ALMS1: variants seen among roughly 807,000 people sequenced by gnomAD.
ALMS1 encodes ALMS1 centrosome and basal body associated protein, also known as centrosome-associated protein ALMS1.
A neutral mutation model predicts 352.2 loss-of-function variants in ALMS1; 271 were observed. The ratio of observed to expected loss-of-function variants is 0.77; its 90% confidence interval spans 0.70 to 0.85. The LOEUF (loss-of-function observed/expected upper bound fraction) is 0.85. Ranked by LOEUF, ALMS1 falls within the 40% of genes least tolerant of loss-of-function variation. The probability of loss-of-function intolerance (pLI) is 0.00; values close to 1 mark genes in which losing one functional copy is unlikely to be tolerated. For synonymous variants in ALMS1, 1,865 were observed against 1,761.2 expected (o/e 1.06, Z -1.48); for missense variants, 5,445 against 4,870.7 (o/e 1.12, Z -3.51).
chr2:73,399,170 G>T (rs1047358667), intron 1 of ALMS1, among the ~76,000 whole-genome samples: 3 of 152,172 alleles, frequency 2.0e-5, no homozygotes, highest in Non-Finnish European at 4.4e-5. Flanking sequence ...TGTATAGACA[G>T]ACAGTCATGT....
chr2:73,478,632 TTTTA>T (rs1004601426), intron 9 of ALMS1, among the ~76,000 whole-genome samples: 1 of 149,704 alleles, frequency 6.7e-6, no homozygotes, highest in Non-Finnish European at 1.5e-5. Context: ...TGACGAATAT[TTTTA>T]TTTATTTAGT....
In ALMS1 at chr2:73,441,718, G is replaced by A. The variant is rs530860097; in HGVS notation, c.1433-6242G>A. Among the ~76,000 whole-genome samples, 4 of 152,212 alleles carry A rather than the reference G, an allele frequency of 2.6e-5. No individual in the cohort carries two copies. The East Asian group carries it at 7.7e-4, about 29-fold the overall frequency. ...TAAAAAGAAAACTAAGGAAGTCATT[G>A]CCATGTTGTTCTCCAGTCTGGAGGT... On this transcript the variant is annotated intron_variant, in intron 7 of 22. Transcript: ENST00000613296.
intron 2 of ALMS1, among the ~76,000 whole-genome samples, chr2:73,418,764 G>T (rs1022819080): frequency 6.6e-6 from 1 of 152,076 alleles, no homozygotes; most frequent in Non-Finnish European, 1.5e-5. Flanking sequence ...GCTTATCCCC[G>T]GAACACATGT....
chr2:73,535,237 T>C (rs1674002827), intron 12 of ALMS1, among the ~76,000 whole-genome samples: 1 of 152,222 alleles, frequency 6.6e-6, no homozygotes, highest in Non-Finnish European at 1.5e-5. Flanking sequence ...CCCTTAGTTG[T>C]TTCACTGATT....
chr2:73,492,808 A>G (rs986163110), intron 10 of ALMS1, among the ~76,000 whole-genome samples: 3 of 152,048 alleles, frequency 2.0e-5, no homozygotes, highest in African/African-American at 7.2e-5. Flanking sequence ...CAGTGATGTG[A>G]TCTTGGTTCA....
Position 73,392,013 on chromosome 2 carries a change from A to G in ALMS1, c.324+5821A>G, listed in dbSNP as rs1670656404. Among the ~76,000 whole-genome samples, 3 of 152,144 alleles carry G rather than the reference A, an allele frequency of 2.0e-5. No homozygotes were observed. In the South Asian group the frequency reaches 6.2e-4, roughly 32 times the overall value. ...TTCTAGTTAATTTTAATGGAGTGCT[A>G]CACAGTATTCTTTATTTTTTCATTT... is the stretch of plus-strand genomic sequence containing the variant. On this transcript the variant is annotated intron_variant, in intron 1 of 22. Coordinates refer to ENST00000613296, the MANE Select transcript of ALMS1 (RefSeq NM_001378454.1).
chr2:73,600,909 T>C, intron 18 of ALMS1, 28 bp downstream of exon 18: 1 of 1,601,156 alleles, frequency 6.2e-7, no homozygotes, highest in East Asian at 2.3e-5. Flanking sequence ...GATCTTGTAG[T>C]AGAGAAACTA....
chr2:73,582,100 T>A (rs1006198500), intron 16 of ALMS1, among the ~76,000 whole-genome samples: 17 of 152,212 alleles, frequency 1.1e-4, no homozygotes, highest in Non-Finnish European at 1.9e-4. Context: ...CAGTTTTTTT[T>A]AAATTTGCAT....
At chr2:73,479,988 T>C (rs1438827692) in intron 9 of ALMS1, among the ~76,000 whole-genome samples, 2 of 152,162 alleles carry the variant, frequency 1.3e-5, no homozygotes, top group Admixed American at 1.3e-4. Context: ...GCACATTTTT[T>C]AATATTTCTG....
intron 9 of ALMS1, among the ~76,000 whole-genome samples, chr2:73,485,734 G>C (rs1177667721): frequency 6.6e-6 from 1 of 152,128 alleles, no homozygotes; most frequent in East Asian, 1.9e-4. Flanking sequence ...AGACTCCGTG[G>C]GCCTAGGACG....
intron 10 of ALMS1, among the ~76,000 whole-genome samples, chr2:73,516,284 G>A (rs1673553147): frequency 6.6e-6 from 1 of 152,080 alleles, no homozygotes; most frequent in Non-Finnish European, 1.5e-5. Flanking sequence ...TTAATAAAAA[G>A]TAAAAAAAAT....
At chr2:73,387,645 C>G (rs1453890741) in intron 1 of ALMS1, among the ~76,000 whole-genome samples, 1 of 152,094 alleles carries the variant, frequency 6.6e-6, no homozygotes, top group Non-Finnish European at 1.5e-5. Flanking sequence ...GATTTAGGGG[C>G]TTTATCTCTG....
chr2:73,386,049 G>T lies in ALMS1; in HGVS notation c.181G>T (p.Gly61Trp). 1 of 1,580,288 alleles carries T rather than the reference G, an allele frequency of 6.3e-7. No homozygotes were observed. Among genetic ancestry groups the T allele is most frequent in the South Asian group, 1.2e-5 (1 of 86,322 alleles). ...GGAGTTGGACTCCGACTCTCACTACGGGCCCCAGCATCTGGAAAGTATAGA... is the reference window on the plus strand; with the variant it reads ...GGAGTTGGACTCCGACTCTCACTACTGGCCCCAGCATCTGGAAAGTATAGA... Reference protein sequence around the residue: ...GRELDSDSHYGPQHLESIDDE... With the variant: ...GRELDSDSHYWPQHLESIDDE... The change falls in exon 1 of 23, where the codon GGG becomes TGG. Residue 61 changes from glycine (G) to tryptophan (W), a missense_variant. By Grantham distance (184) the Gly-to-Trp change is radical. Coordinates refer to ENST00000613296, the MANE Select transcript of ALMS1 (RefSeq NM_001378454.1).
intron 9 of ALMS1, among the ~76,000 whole-genome samples, chr2:73,478,373 T>C (rs1274294770): frequency 1.3e-5 from 2 of 152,050 alleles, no homozygotes; most frequent in African/African-American, 2.4e-5. Flanking sequence ...TGGGAGGAGG[T>C]AGAGCATGAA....
chr2:73,404,398 A>T (rs1429392075), intron 1 of ALMS1, among the ~76,000 whole-genome samples: 1 of 151,662 alleles, frequency 6.6e-6, no homozygotes, highest in Non-Finnish European at 1.5e-5. Context: ...ACCATTGAGT[A>T]TGATATGAGC....
chr2:73,602,282 T>C lies in ALMS1; in HGVS notation c.12212T>C (p.Met4071Thr). 1 of 1,614,194 alleles carries C rather than the reference T, an allele frequency of 6.2e-7. No individual in the cohort carries two copies. The highest frequency in any genetic ancestry group is 8.5e-7 in the Non-Finnish European group (1 of 1,180,032). Residue 4071 changes from methionine to threonine, a missense_variant, in exon 20 of 23, where the codon ATG becomes ACG. Physicochemically the swap from Met to Thr is moderately conservative, Grantham distance 81. Transcript: ENST00000613296. ...GTCCAGGAGAGGAAGCTGCAGAGCA[T>C]GTTACAGACCGAGCGGGATGCACTA... is the stretch of plus-strand genomic sequence containing the variant. Reference protein sequence around the residue: ...LIVQERKLQSMLQTERDALFN... With the variant: ...LIVQERKLQSTLQTERDALFN...
At chr2:73,583,516 C>T (rs1302713228) in intron 16 of ALMS1, among the ~76,000 whole-genome samples, 1 of 152,120 alleles carries the variant, frequency 6.6e-6, no homozygotes, top group East Asian at 1.9e-4. Context: ...TCCTGTTTGT[C>T]TATTTTTGCT....
chr2:73,510,898 C>G (rs1270465027), intron 10 of ALMS1, among the ~76,000 whole-genome samples: 1 of 152,184 alleles, frequency 6.6e-6, no homozygotes, highest in Non-Finnish European at 1.5e-5. Context: ...GCCTTTCTTT[C>G]AGAGATGCCC....
intron 9 of ALMS1, among the ~76,000 whole-genome samples, chr2:73,476,389 C>T (rs1213068909): frequency 2.6e-5 from 4 of 151,974 alleles, no homozygotes; most frequent in Non-Finnish European, 5.9e-5. Context: ...CAAGGTCCTG[C>T]TTTCACTTCT....
Sources: allele counts gnomAD v4.1 joint callset (sites outside exome capture counted in the v4.1 genomes callset), GRCh38; gene constraint gnomAD v4.1.1; transcripts MANE v1.5; gene names NCBI Gene and HGNC (gene_info 2026-07-23, HGNC 2026-07-21).